Variants in PATE1 observed in about 807,000 individuals in gnomAD.
PATE1 encodes prostate and testis expressed protein 1.
A neutral mutation model predicts 13.1 loss-of-function variants in PATE1; 21 were observed. The observed-to-expected ratio is 1.61, with a 90% CI of 1.14 to 2.31. The LOEUF is 2.31. Among genes scored for constraint, PATE1 ranks in the 30% most tolerant of loss-of-function variants. The probability of loss-of-function intolerance (pLI) is 0.00; values close to 1 mark genes in which losing one functional copy is unlikely to be tolerated. For synonymous variants in PATE1, 52 were observed against 47.1 expected (o/e 1.10, Z -0.43); for missense variants, 166 against 147.2 (o/e 1.13, Z -0.66).
intron 3 of PATE1, 39 bp downstream of exon 3, chr11:125,747,450 G>A (rs763779173): frequency 3.8e-6 from 6 of 1,579,284 alleles, no homozygotes; most frequent in Non-Finnish European, 5.2e-6. Context: ...CCTCAGTCTT[G>A]ATAATGTTTC....
chr11:125,747,704 A>G lies in PATE1; in HGVS notation c.129A>G (p.Ile43Met). ...IVAVKNNFPVIEIVQCRMCHL... is the reference protein window; with the variant it reads ...IVAVKNNFPVMEIVQCRMCHL... ...TTTCCCCTCTCTCTGGCCAAGTGATAGAAATTGTTCAGTGTAGGATGTGCC... is the reference window on the plus strand; with the variant it reads ...TTTCCCCTCTCTCTGGCCAAGTGATGGAAATTGTTCAGTGTAGGATGTGCC... The change falls in exon 4 of 5, where the codon ATA becomes ATG. Residue 43 changes from isoleucine (I) to methionine (M), a missense_variant. By Grantham distance (10) the Ile-to-Met change is conservative. Coordinates refer to ENST00000305738, the MANE Select transcript of PATE1 (RefSeq NM_138294.3). 1 of 1,613,456 alleles carries G rather than the reference A, an allele frequency of 6.2e-7. No individual in the cohort carries two copies. Among genetic ancestry groups the G allele is most frequent in the Non-Finnish European group, 8.5e-7 (1 of 1,179,706 alleles).
chr11:125,747,717 T>A lies in PATE1; in HGVS notation c.142T>A (p.Cys48Ser), dbSNP rs1169136816. The A allele has an allele frequency of 6.2e-7, 1 of 1,613,548 alleles. No individual in the cohort carries two copies. Among genetic ancestry groups the A allele is most frequent in the Non-Finnish European group, 8.5e-7 (1 of 1,179,756 alleles). The change falls in exon 4 of 5, where the codon TGT (cysteine) becomes AGT (serine). Residue 48 changes from cysteine to serine, a missense_variant. Cys to Ser is a moderately radical substitution (Grantham distance 112). Coordinates refer to ENST00000305738, the MANE Select transcript of PATE1 (RefSeq NM_138294.3). ...TGGCCAAGTGATAGAAATTGTTCAG[T>A]GTAGGATGTGCCACCTCCAGTTCCC... ...NNFPVIEIVQ[C>S]RMCHLQFPGE... is the part of the protein sequence containing the mutation.
chr11:125,747,774 T>C lies in PATE1; in HGVS notation c.199T>C (p.Cys67Arg). 1 of 1,613,920 alleles carries C rather than the reference T, an allele frequency of 6.2e-7. No individual in the cohort carries two copies. Among genetic ancestry groups the C allele is most frequent in the Non-Finnish European group, 8.5e-7 (1 of 1,179,856 alleles). ...AAAGTGCTCCAGAGGAAGAGGAATA[T>C]GCACAGCAACAACAGAAGAGGCCTG... ...GEKCSRGRGICTATTEEACMV... is the reference protein window; with the variant it reads ...GEKCSRGRGIRTATTEEACMV... Residue 67 changes from cysteine (C) to arginine (R), a missense_variant, in exon 4 of 5, where the codon TGC becomes CGC. Coordinates refer to ENST00000305738, the MANE Select transcript of PATE1 (RefSeq NM_138294.3).
In PATE1 at chr11:125,747,804, G is replaced by A. The variant is rs1426743874; in HGVS notation, c.229G>A (p.Val77Ile). 2.5e-6 allele frequency: 4 copies of A among 1,613,750 alleles called. No homozygotes were observed. Among genetic ancestry groups the A allele is most frequent in the Non-Finnish European group, 3.4e-6 (4 of 1,179,802 alleles). The change falls in exon 4 of 5, where the codon GTT (valine) becomes ATT (isoleucine). Residue 77 changes from valine (V) to isoleucine (I), a missense_variant. Physicochemically the swap from Val to Ile is conservative, Grantham distance 29. Coordinates refer to ENST00000305738, the MANE Select transcript of PATE1 (RefSeq NM_138294.3). ...CTATTEEACM[V>I]GRMFKRDGNP... Reference sequence around the variant, plus strand: ...AGCAACAACAGAAGAGGCCTGCATGGTTGGAAGGATGTTCAAAAGTAAGTT... The same window carrying A: ...AGCAACAACAGAAGAGGCCTGCATGATTGGAAGGATGTTCAAAAGTAAGTT...
chr11:125,746,796 C>T (rs895717105), intron 2 of PATE1, 100 bp downstream of exon 2: 59 of 1,216,052 alleles, frequency 4.9e-5, no homozygotes, highest in Admixed American at 1.0e-4. Context: ...AACCAAAATA[C>T]GAATAGACCT....
In PATE1 at chr11:125,747,824, T is replaced by A; in HGVS notation, c.247+2T>A. 1 of 1,613,442 alleles carries A rather than the reference T, an allele frequency of 6.2e-7. No homozygotes were observed. Among genetic ancestry groups the A allele is most frequent in the Non-Finnish European group, 8.5e-7 (1 of 1,179,640 alleles). On this transcript the variant is annotated splice_donor_variant, in intron 4 of 4. Transcript: ENST00000305738. LOFTEE classifies it high-confidence loss of function. ...GCATGGTTGGAAGGATGTTCAAAAG[T>A]AAGTTGTGGGTTGGGGAAAAGAAGA... is the stretch of plus-strand genomic sequence containing the variant.
chr11:125,748,953 A>G lies in PATE1; in HGVS notation c.*220A>G, dbSNP rs1431691062. On this transcript the variant is annotated 3_prime_UTR_variant, in exon 5 of 5. Transcript: ENST00000305738. Reference sequence around the variant, plus strand: ...ATAAGTAAATAAATAACCTTGAGAGAAAGAACAAGATCAATATATCCTGCA... The same window carrying G: ...ATAAGTAAATAAATAACCTTGAGAGGAAGAACAAGATCAATATATCCTGCA... 2.0e-6 allele frequency: 1 copy of G among 489,518 alleles called. No individual in the cohort carries two copies. Among genetic ancestry groups the G allele is most frequent in the Non-Finnish European group, 3.5e-6 (1 of 286,948 alleles). 30.3% of individuals were successfully genotyped at this position (489,518 alleles called of 1,614,324 possible).
intron 1 of PATE1, 60 bp downstream of exon 1, chr11:125,746,416 C>A: frequency 6.4e-7 from 1 of 1,566,518 alleles, no homozygotes; most frequent in Non-Finnish European, 8.8e-7. Flanking sequence ...GTGAGAGCAC[C>A]CATGACAGAG....
chr11:125,747,257 C>G, intron 2 of PATE1, 119 bp from the exon 3 acceptor site: 1 of 861,926 alleles, frequency 1.2e-6, no homozygotes, highest in Non-Finnish European at 1.9e-6. Flanking sequence ...CAGAGTGGGC[C>G]TGGAATGGCT....
rs1199300682 is a variant in PATE1, at chr11:125,749,857, C to T, written c.*1124C>T. 2 of 151,910 alleles carry T rather than the reference C, an allele frequency of 1.3e-5. No individual in the cohort carries two copies. The highest frequency in any genetic ancestry group is 4.8e-5 in the African/African-American group (2 of 41,384). The allele number at this position is 151,910 out of a possible 1,614,324, so 9.4% of individuals were successfully genotyped here. On this transcript the variant is annotated 3_prime_UTR_variant, in exon 5 of 5. Coordinates refer to ENST00000305738, the MANE Select transcript of PATE1 (RefSeq NM_138294.3). ...AAATATAAAGAAAGCTACCTTTCTT[C>T]TATACCCAAATTGTGTGTCCTTCTT...
Position 125,748,596 on chromosome 11 carries a change from A to G in PATE1, c.248-4A>G, listed in dbSNP as rs1943301443. The G allele has an allele frequency of 6.2e-6, 10 of 1,612,688 alleles. No homozygotes were observed. Among genetic ancestry groups the G allele is most frequent in the Admixed American group, 1.7e-5 (1 of 59,760 alleles). On this transcript the variant is annotated splice_region_variant and splice_polypyrimidine_tract_variant and intron_variant, in intron 4 of 4. Coordinates refer to ENST00000305738, the MANE Select transcript of PATE1 (RefSeq NM_138294.3). ...TCCTGATCTGTTTTTTCTCCCCTCCACAGGGGATGGTAATCCCTGGTTAAC... is the reference window on the plus strand; with the variant it reads ...TCCTGATCTGTTTTTTCTCCCCTCCGCAGGGGATGGTAATCCCTGGTTAAC...
intron 2 of PATE1, among the ~76,000 whole-genome samples, chr11:125,747,131 G>A (rs1346421494): frequency 6.6e-6 from 1 of 152,152 alleles, no homozygotes; most frequent in East Asian, 1.9e-4. Flanking sequence ...CTCCTGGTCT[G>A]TGCTGCATCC....
Position 125,748,716 on chromosome 11 carries a change from T to C in PATE1, c.364T>C (p.Cys122Arg). The C allele has an allele frequency of 2.5e-6, 4 of 1,613,736 alleles. No homozygotes were observed. The highest frequency in any genetic ancestry group is 3.4e-6 in the Non-Finnish European group (4 of 1,179,820). The change falls in exon 5 of 5, where the codon TGC becomes CGC. Residue 122 changes from cysteine to arginine, a missense_variant. Transcript: ENST00000305738. ...CAGGTGCTGCAGGAGCCATGACCTG[T>C]GCAATGAAGACCTTTAGAAGTTAAT... ...NFRCCRSHDL[C>R]NEDL
intron 1 of PATE1, 143 bp from the exon 2 acceptor site, chr11:125,746,518 A>G: frequency 7.7e-7 from 1 of 1,291,816 alleles, no homozygotes; most frequent in Non-Finnish European, 1.1e-6. Flanking sequence ...TGTCCCCAGG[A>G]CCTTAACTAA....
Position 125,748,780 on chromosome 11 carries a change from C to A in PATE1, c.*47C>A, listed in dbSNP as rs768719129. 6.3e-7 allele frequency: 1 copy of A among 1,598,700 alleles called. No homozygotes were observed. The highest frequency in any genetic ancestry group is 1.1e-5 in the South Asian group (1 of 88,840). ...CTCCAATTTCTGGGTGAGGTTGTTG[C>A]CTCAGCCTCTTCACAATGACTTTCT... is the stretch of plus-strand genomic sequence containing the variant. On this transcript the variant is annotated 3_prime_UTR_variant, in exon 5 of 5. Coordinates refer to ENST00000305738, the MANE Select transcript of PATE1 (RefSeq NM_138294.3).
chr11:125,746,971 T>C (rs1230400805), intron 2 of PATE1, among the ~76,000 whole-genome samples: 1 of 152,082 alleles, frequency 6.6e-6, no homozygotes, highest in Non-Finnish European at 1.5e-5. Flanking sequence ...GCTTTTCAGG[T>C]GTCGCTTGGC....
At chr11:125,747,996 C>G in intron 4 of PATE1, 174 bp downstream of exon 4, 1 of 976,128 alleles carries the variant, frequency 1.0e-6, no homozygotes, top group East Asian at 2.7e-5. Flanking sequence ...TGGAGGTGGT[C>G]ACTAAGGAGG....
intron 3 of PATE1, 138 bp from the exon 4 acceptor site, chr11:125,747,562 C>T: frequency 3.5e-6 from 5 of 1,439,190 alleles, no homozygotes; most frequent in African/African-American, 1.4e-5. Context: ...TGTATTTCCA[C>T]AGAGGAAGAG....
chr11:125,748,714 T>C lies in PATE1; in HGVS notation c.362T>C (p.Leu121Pro). ...TTCAGGTGCTGCAGGAGCCATGACC[T>C]GTGCAATGAAGACCTTTAGAAGTTA... ...VNFRCCRSHDLCNEDL is the reference protein window; with the variant it reads ...VNFRCCRSHDPCNEDL Residue 121 changes from leucine to proline, a missense_variant, in exon 5 of 5, where the codon CTG (leucine) becomes CCG (proline). Transcript: ENST00000305738. The C allele has an allele frequency of 6.2e-7, 1 of 1,613,762 alleles. No individual in the cohort carries two copies. The highest frequency in any genetic ancestry group is 2.2e-5 in the East Asian group (1 of 44,870).
Sources: allele counts gnomAD v4.1 joint callset (sites outside exome capture counted in the v4.1 genomes callset), GRCh38; gene constraint gnomAD v4.1.1; transcripts MANE v1.5; gene names NCBI Gene and HGNC (gene_info 2026-07-23, HGNC 2026-07-21).